Variants in KLHL13 observed in about 807,000 individuals in gnomAD.
KLHL13 encodes kelch-like protein 13.
In KLHL13, 10 loss-of-function variants were observed where a neutral mutation model predicts 37.1. That is an observed-to-expected ratio of 0.27 (90% confidence interval 0.17 to 0.46). The LOEUF is 0.46. Ranked by LOEUF, KLHL13 falls within the 20% of genes least tolerant of loss-of-function variation. The pLI is 1.00. For synonymous variants in KLHL13, 163 were observed against 181.2 expected, an observed-to-expected ratio of 0.90 and a Z score of 0.81; for missense variants, 360 against 509.3, an observed-to-expected ratio of 0.71 and a Z score of 2.82.
chrX:118,035,879 A>C (rs1433383711), intron 1 of KLHL13, among the ~76,000 whole-genome samples: 6 of 101,359 alleles, frequency 5.9e-5, no homozygotes, highest in Non-Finnish European at 1.2e-4. Flanking sequence ...TAAGCTGATA[A>C]GCAACTTCAG....
intron 1 of KLHL13, among the ~76,000 whole-genome samples, chrX:118,026,352 AT>A (rs2054275232): frequency 8.9e-6 from 1 of 111,872 alleles, no homozygotes; most frequent in Admixed American, 9.6e-5. Flanking sequence ...ATGGATTTCA[AT>A]TTTTTTGCAT....
At chrX:117,957,441 C>T (rs1226642740) in intron 1 of KLHL13, among the ~76,000 whole-genome samples, 1 of 111,745 alleles carries the variant, frequency 8.9e-6, no homozygotes, top group Non-Finnish European at 1.9e-5. Context: ...TTAATGACAA[C>T]AGAACAAACG....
At chrX:118,039,387 A>G (rs1284092222) in intron 1 of KLHL13, among the ~76,000 whole-genome samples, 1 of 112,229 alleles carries the variant, frequency 8.9e-6, no homozygotes, top group East Asian at 2.8e-4. Context: ...GACAGGCAGC[A>G]TTCACCACAA....
At chrX:118,097,900 C>T (rs1183085247) in intron 1 of KLHL13, among the ~76,000 whole-genome samples, 16 of 111,586 alleles carry the variant, frequency 1.4e-4, no homozygotes, top group African/African-American at 3.9e-4. Context: ...AACTGGATCC[C>T]TTCCTTACAC....
At position 117,919,617 on chromosome X, in the gene KLHL13, A is replaced by G. The variant is rs753258234; in HGVS notation, c.474T>C (p.Ser158=). Reference sequence around the variant, plus strand: ...TGTCTTGAAGGTTGTCCATATTAAGAGAAAGCTTTGCAGTATAAATGAAAT... The same window carrying G: ...TGTCTTGAAGGTTGTCCATATTAAGGGAAAGCTTTGCAGTATAAATGAAAT... The change falls in exon 4 of 7, where the codon TCT becomes TCC. Residue 158 remains serine (S), a synonymous_variant. Coordinates refer to ENST00000262820, the Ensembl canonical transcript of KLHL13. The G allele has an allele frequency of 5.8e-6, 7 of 1,207,674 alleles. No homozygotes were observed. In the East Asian group the frequency reaches 1.8e-4, roughly 31 times the overall value.
At position 118,009,144 on chromosome X, in the gene KLHL13, A is replaced by G. The variant is rs757583762; in HGVS notation, c.-55-63569T>C. 1.1e-3 allele frequency among the ~76,000 whole-genome samples: 118 copies of G among 102,774 alleles called. 1 individual carries two copies. The highest frequency in any genetic ancestry group is 3.5e-3 in the Admixed American group (33 of 9,307). 89.2% of individuals were successfully genotyped at this position (102,774 alleles called of 115,157 possible). A position where few individuals can be genotyped will look rare whatever the true frequency, so the allele number is the denominator to read the frequency against. On this transcript the variant is annotated intron_variant, in intron 1 of 6. Transcript: ENST00000371882. ...TGTTTGAGTTCATTGTAGATTCTGG[A>G]TATTAGCCCTTTGTCAGATGAGTAG...
chrX:117,919,517 T>C lies in KLHL13; in HGVS notation c.570+4A>G. 8.4e-7 allele frequency: 1 copy of C among 1,192,468 alleles called. No individual in the cohort carries two copies. The highest frequency in any genetic ancestry group is 1.1e-6 in the Non-Finnish European group (1 of 879,929). On this transcript the variant is annotated splice_donor_region_variant and intron_variant, in intron 4 of 6. Coordinates refer to ENST00000262820, the Ensembl canonical transcript of KLHL13. ...AGGAAAAATCAGATTTCAAAATATCTTACCCCAGATATGAGAAACACTTTA... is the reference window on the plus strand; with the variant it reads ...AGGAAAAATCAGATTTCAAAATATCCTACCCCAGATATGAGAAACACTTTA...
intron 1 of KLHL13, among the ~76,000 whole-genome samples, chrX:118,092,544 G>A: frequency 8.9e-6 from 1 of 111,847 alleles, no homozygotes; most frequent in Admixed American, 9.5e-5. Flanking sequence ...TACCCTATTA[G>A]TTAAAAGAAG....
At chrX:117,979,707 T>G (rs1270350101) in intron 1 of KLHL13, among the ~76,000 whole-genome samples, 1 of 111,698 alleles carries the variant, frequency 9.0e-6, no homozygotes, top group African/African-American at 3.2e-5. Flanking sequence ...AATTTTAGGC[T>G]ATAATCTCCT....
At chrX:118,030,799 C>T (rs1282885087) in intron 1 of KLHL13, among the ~76,000 whole-genome samples, 3 of 102,968 alleles carry the variant, frequency 2.9e-5, no homozygotes, top group African/African-American at 8.4e-5. Context: ...TTGTCAGATG[C>T]CAGCCTCTTT....
In KLHL13 at chrX:118,029,296, C is replaced by G. The variant is rs766710046; in HGVS notation, c.-55-83721G>C. On this transcript the variant is annotated intron_variant, in intron 1 of 6. Coordinates refer to the KLHL13 transcript ENST00000371882. ...CTCAGGAACTTGGGGTCTGAGAAGT[C>G]TATAAACAGGGAACACAATTTTAGA... Among the ~76,000 whole-genome samples, 3 of 111,386 alleles carry G rather than the reference C, an allele frequency of 2.7e-5. No homozygotes were observed. In the East Asian group the frequency reaches 8.5e-4, roughly 31 times the overall value.
chrX:118,025,118 C>T (rs761595658), intron 1 of KLHL13, among the ~76,000 whole-genome samples: 3 of 111,774 alleles, frequency 2.7e-5, no homozygotes, highest in Non-Finnish European at 5.6e-5. Flanking sequence ...TTTCACCCAA[C>T]ATGGCCACAT....
chrX:118,066,986 A>G (rs753534335), intron 1 of KLHL13, among the ~76,000 whole-genome samples: 1 of 111,765 alleles, frequency 8.9e-6, no homozygotes, highest in African/African-American at 3.2e-5. Flanking sequence ...TTCTCATTGT[A>G]AGTACAGTCA....
chrX:117,906,026 G>A (rs372124801), intron 5 of KLHL13, among the ~76,000 whole-genome samples: 2 of 111,217 alleles, frequency 1.8e-5, no homozygotes, highest in South Asian at 3.8e-4. Flanking sequence ...ATTGTTAAAT[G>A]ACTTTCCCAT....
At chrX:118,031,811 G>T (rs1033378161) in intron 1 of KLHL13, among the ~76,000 whole-genome samples, 3 of 108,014 alleles carry the variant, frequency 2.8e-5, no homozygotes, top group Non-Finnish European at 1.9e-5. Context: ...GGTGATTTCT[G>T]CATTTCCATC....
chrX:117,970,518 T>C (rs2053506889), intron 1 of KLHL13, among the ~76,000 whole-genome samples: 2 of 111,752 alleles, frequency 1.8e-5, no homozygotes, highest in African/African-American at 6.5e-5. Flanking sequence ...ACAAATATAA[T>C]GTTACTTGAC....
chrX:118,046,814 T>C (rs1208371396), intron 1 of KLHL13, among the ~76,000 whole-genome samples: 1 of 111,320 alleles, frequency 9.0e-6, no homozygotes, highest in African/African-American at 3.3e-5. Context: ...ACTATGAGAA[T>C]TGTGAGATAA....
Position 117,985,971 on chromosome X carries a change from C to T in KLHL13, c.-55-40396G>A, listed in dbSNP as rs745953870. ...ATCGCTTTTTAAAAATAAAACTACA[C>T]ATGATGTAAAGTAAATGATCAATGA... is the stretch of plus-strand genomic sequence containing the variant. On this transcript the variant is annotated intron_variant, in intron 1 of 6. Transcript: ENST00000371882. Among the ~76,000 whole-genome samples the T allele has an allele frequency of 5.4e-5, 6 of 111,024 alleles. No individual in the cohort carries two copies. The South Asian group carries it at 1.1e-3, about 21-fold the overall frequency.
intron 1 of KLHL13, among the ~76,000 whole-genome samples, chrX:118,067,953 AT>A (rs2054812826): frequency 8.9e-6 from 1 of 112,175 alleles, no homozygotes; most frequent in Admixed American, 9.5e-5. Context: ...TACTATATAT[AT>A]AACAGTATTG....
Sources: allele counts gnomAD v4.1 joint callset (sites outside exome capture counted in the v4.1 genomes callset), GRCh38; gene constraint gnomAD v4.1.1; transcripts MANE v1.5; gene names NCBI Gene and HGNC (gene_info 2026-07-23, HGNC 2026-07-21).